Variants in EYA4 observed in about 807,000 individuals in gnomAD.
EYA4 encodes the protein EYA transcriptional coactivator and phosphatase 4.
A neutral mutation model predicts 87.9 loss-of-function variants in EYA4; 31 were observed. That is an observed-to-expected ratio of 0.35 (90% CI 0.27 to 0.48). EYA4 has a LOEUF of 0.48. Among genes scored for constraint, EYA4 ranks in the 20% least tolerant of loss-of-function variants. The probability of loss-of-function intolerance (pLI) is 0.99; values close to 1 mark genes in which losing one functional copy is unlikely to be tolerated. For missense variants in EYA4, 678 were observed against 761.4 expected, an observed-to-expected ratio of 0.89 and a Z score of 1.29; for synonymous variants, 263 against 270.6, an observed-to-expected ratio of 0.97 and a Z score of 0.28.
intron 2 of EYA4, among the ~76,000 whole-genome samples, chr6:133,298,255 A>T (rs190648488): frequency 6.6e-6 from 1 of 152,272 alleles, no homozygotes; most frequent in East Asian, 1.9e-4. Context: ...GCTTTTTGGC[A>T]GAATAAGATG....
chr6:133,284,092 A>G (rs7753529), intron 2 of EYA4, among the ~76,000 whole-genome samples: 8,040 of 152,322 alleles, frequency 0.053, 727 homozygotes, highest in African/African-American at 0.18. Context: ...ACTTGGTGTC[A>G]TAGAGTATGT....
chr6:133,243,549 T>C (rs1400346115), intron 1 of EYA4, among the ~76,000 whole-genome samples: 1 of 152,132 alleles, frequency 6.6e-6, no homozygotes, highest in African/African-American at 2.4e-5. Context: ...AAGTTGACGA[T>C]GGTTTTTTTG....
At chr6:133,424,516 C>T (rs1023030019) in intron 3 of EYA4, among the ~76,000 whole-genome samples, 1 of 152,160 alleles carries the variant, frequency 6.6e-6, no homozygotes, top group Non-Finnish European at 1.5e-5. Flanking sequence ...AACACCCCCC[C>T]CCCAGCCTAT....
At chr6:133,344,372 T>C (rs530355429) in intron 2 of EYA4, among the ~76,000 whole-genome samples, 37 of 152,354 alleles carry the variant, frequency 2.4e-4, no homozygotes, top group Non-Finnish European at 4.1e-4. Flanking sequence ...TCTCTTGATA[T>C]TTGAAAAATA....
intron 3 of EYA4, among the ~76,000 whole-genome samples, chr6:133,429,960 C>G (rs1791036929): frequency 6.6e-6 from 1 of 152,052 alleles, no homozygotes; most frequent in African/African-American, 2.4e-5. Flanking sequence ...TGTGAATGAT[C>G]CCATCACCCA....
intron 1 of EYA4, among the ~76,000 whole-genome samples, chr6:133,272,996 T>A (rs1399995531): frequency 6.6e-6 from 1 of 151,452 alleles, no homozygotes; most frequent in Non-Finnish European, 1.5e-5. Context: ...AACGCTGGGT[T>A]AAGGCACCCG....
At chr6:133,248,858 A>G (rs1386509997) in intron 1 of EYA4, 1 of 135,414 alleles carries the variant, frequency 7.4e-6, no homozygotes, top group Admixed American at 7.8e-5. Flanking sequence ...CGGCAATTCT[A>G]CTGTTTTATT....
chr6:133,337,365 C>T (rs576084968), intron 2 of EYA4, among the ~76,000 whole-genome samples: 30 of 152,188 alleles, frequency 2.0e-4, no homozygotes, highest in African/African-American at 6.7e-4. Flanking sequence ...AATGACTGGA[C>T]TTCATATTAT....
intron 13 of EYA4, among the ~76,000 whole-genome samples, chr6:133,488,498 G>A (rs1796868367): frequency 6.6e-6 from 1 of 152,164 alleles, no homozygotes; most frequent in Admixed American, 6.5e-5. Context: ...CAGGGTGGTG[G>A]TCACAGAGGT....
At chr6:133,498,704 G>GAT (rs1554269329) in intron 13 of EYA4, among the ~76,000 whole-genome samples, 2 of 151,848 alleles carry the variant, frequency 1.3e-5, no homozygotes, top group African/African-American at 4.9e-5. Context: ...TAGTAAGTTT[G>GAT]TGTGTGCATG....
In EYA4 at chr6:133,272,787, G is replaced by T. The variant is rs559728565; in HGVS notation, c.-65-1929G>T. On this transcript the variant is annotated intron_variant, in intron 1 of 19. Transcript: ENST00000355286. Reference sequence around the variant, plus strand: ...CACAGCAGCCTGGACCTGTTGCAGAGCCTTCTCCTGTTCTGGACCCCAGGC... The same window carrying T: ...CACAGCAGCCTGGACCTGTTGCAGATCCTTCTCCTGTTCTGGACCCCAGGC... Among the ~76,000 whole-genome samples the T allele has an allele frequency of 4.6e-5, 7 of 152,304 alleles. No individual in the cohort carries two copies. In the East Asian group the frequency reaches 1.4e-3, roughly 29 times the overall value.
rs150944930 is a variant in EYA4, at chr6:133,509,400, TAA to T, written c.1281+3220_1281+3221del. On this transcript the variant is annotated intron_variant, in intron 14 of 19. Transcript: ENST00000355286. ...ATTTAAGCTCTCAGGGTGCTTTTCT[TAA>T]AAAAAAAAAAAAAACCGAACCATCT... Among the ~76,000 whole-genome samples the T allele has an allele frequency of 3.7e-4, 52 of 139,834 alleles. 1 individual carries two copies. Among genetic ancestry groups the T allele is most frequent in the African/African-American group, 7.0e-4 (27 of 38,562 alleles). 91.7% of individuals were successfully genotyped at this position (139,834 alleles called of 152,430 possible).
chr6:133,326,194 A>G (rs763924622), intron 2 of EYA4, among the ~76,000 whole-genome samples: 59 of 152,270 alleles, frequency 3.9e-4, no homozygotes, highest in South Asian at 6.2e-4. Context: ...CCTTGACCAG[A>G]GCTTGACCCA....
At chr6:133,373,200 A>C (rs211609) in intron 2 of EYA4, among the ~76,000 whole-genome samples, 74,935 of 151,760 alleles carry the variant, frequency 0.49, 19,611 homozygotes, top group Non-Finnish European at 0.6. Flanking sequence ...ATTCTTTTGA[A>C]GTTTAATGAC....
intron 17 of EYA4, among the ~76,000 whole-genome samples, chr6:133,517,367 A>T (rs1486571653): frequency 6.6e-6 from 1 of 152,112 alleles, no homozygotes; most frequent in Non-Finnish European, 1.5e-5. Context: ...GTACCCCTGA[A>T]CTTAAAATAA....
chr6:133,394,282 G>GTATTTTTTTTTTTTTTTTTTTTTTTT lies in EYA4; in HGVS notation c.83+11842_83+11843insATTTTTTTTTTTTTTTTTTTTTTTTT, dbSNP rs1562368948. The stretch of plus-strand genomic sequence containing the variant: ...GTTGGAAAAATGTATATATAAGCTT[G>GTATTTTTTTTTTTTTTTTTTTTTTTT]TGTTTTTTTTTTTTTTTTTTTTTTT... On this transcript the variant is annotated intron_variant, in intron 3 of 19. Coordinates refer to ENST00000355286, the MANE Select transcript of EYA4 (RefSeq NM_004100.5). Among the ~76,000 whole-genome samples, 2 of 107,846 alleles carry GTATTTTTTTTTTTTTTTTTTTTTTTT rather than the reference G, an allele frequency of 1.9e-5. 1 individual carries two copies. Among genetic ancestry groups the GTATTTTTTTTTTTTTTTTTTTTTTTT allele is most frequent in the Non-Finnish European group, 3.4e-5 (2 of 58,892 alleles). 70.8% of individuals were successfully genotyped at this position (107,846 alleles called of 152,430 possible).
chr6:133,319,249 T>C (rs567592263), intron 2 of EYA4, among the ~76,000 whole-genome samples: 1 of 152,324 alleles, frequency 6.6e-6, no homozygotes, highest in Admixed American at 6.5e-5. Context: ...TTTTAAAAGA[T>C]AGAGAATTTC....
chr6:133,355,285 A>T (rs1356368597), intron 2 of EYA4, among the ~76,000 whole-genome samples: 1 of 152,060 alleles, frequency 6.6e-6, no homozygotes, highest in East Asian at 1.9e-4. Flanking sequence ...GTCGTTCCCC[A>T]CTATGTGTTT....
intron 3 of EYA4, among the ~76,000 whole-genome samples, chr6:133,429,137 G>A (rs964077177): frequency 3.3e-5 from 5 of 151,596 alleles, no homozygotes; most frequent in African/African-American, 1.2e-4. Flanking sequence ...ATGTCAGTCA[G>A]GCTGGTCTCT....
Sources: gnomAD v4.1 joint callset for allele counts (sites outside exome capture counted in the v4.1 genomes callset) on GRCh38, gnomAD v4.1.1 for gene constraint, MANE v1.5 for transcripts, NCBI Gene and HGNC (gene_info 2026-07-23, HGNC 2026-07-21) for gene names.